The following CHRDL1 variants were observed in gnomAD, a reference collection of about 807,000 sequenced individuals.
CHRDL1 encodes the protein chordin like 1.
CHRDL1 carries 19 observed loss-of-function variants against 40.9 expected under a neutral mutation model. That is an observed-to-expected ratio of 0.46 (90% CI 0.32 to 0.68). CHRDL1 has a LOEUF of 0.68. Among genes scored for constraint, CHRDL1 ranks in the 30% least tolerant of loss-of-function variants. CHRDL1 has a pLI of 0.03. For missense variants in CHRDL1, 329 were observed against 352.1 expected, an observed-to-expected ratio of 0.93 and a Z score of 0.53; for synonymous variants, 136 against 123.4, an observed-to-expected ratio of 1.10 and a Z score of -0.68.
At chrX:110,748,096 C>T (rs769879025) in intron 4 of CHRDL1, among the ~76,000 whole-genome samples, 1 of 111,851 alleles carries the variant, frequency 8.9e-6, no homozygotes, top group Admixed American at 9.5e-5. Context: ...GCTGATCAGC[C>T]TCCTCTAAGA....
At chrX:110,775,335 C>T (rs1306960979) in intron 2 of CHRDL1, among the ~76,000 whole-genome samples, 1 of 111,292 alleles carries the variant, frequency 9.0e-6, no homozygotes, top group African/African-American at 3.3e-5. Context: ...AATAAAACCA[C>T]TAAAAAAATA....
In CHRDL1 at chrX:110,720,496, T is replaced by A. The variant is rs749525756; in HGVS notation, c.448-568A>T. 3.6e-5 allele frequency among the ~76,000 whole-genome samples: 4 copies of A among 112,155 alleles called. No individual in the cohort carries two copies. In the East Asian group the frequency reaches 1.1e-3, roughly 31 times the overall value. The stretch of plus-strand genomic sequence containing the variant: ...ATAATCCTGATTTCCTAAATTTCTA[T>A]CTTTCAAATGTTATTCCTTAAACCT... On this transcript the variant is annotated intron_variant, in intron 5 of 11. Coordinates refer to ENST00000372042, the MANE Select transcript of CHRDL1 (RefSeq NM_001143981.2).
At chrX:110,785,723 T>A (rs1310518167) in intron 2 of CHRDL1, among the ~76,000 whole-genome samples, 1 of 112,162 alleles carries the variant, frequency 8.9e-6, no homozygotes. Flanking sequence ...TTACTGTTCA[T>A]TTTTGTTTTC....
chrX:110,769,435 T>A (rs1201961007), intron 2 of CHRDL1, among the ~76,000 whole-genome samples: 1 of 112,412 alleles, frequency 8.9e-6, no homozygotes, highest in East Asian at 2.8e-4. Flanking sequence ...TTGGAATATT[T>A]TAATCATGCA....
At chrX:110,680,100 G>A (rs184972072) in intron 10 of CHRDL1, among the ~76,000 whole-genome samples, 4 of 111,888 alleles carry the variant, frequency 3.6e-5, no homozygotes, top group Admixed American at 2.8e-4. Context: ...TTAAATGGGC[G>A]AAGTAGATTA....
intron 4 of CHRDL1, among the ~76,000 whole-genome samples, chrX:110,747,409 A>AACACACACACACACAC (rs113917102): frequency 2.2e-3 from 200 of 91,223 alleles, no homozygotes; most frequent in African/African-American, 8.1e-3. Flanking sequence ...ATCAAAACAA[A>AACACACACACACACAC]ACACACACAC....
At position 110,723,818 on chromosome X, in the gene CHRDL1, A is replaced by G. The variant is rs758007518; in HGVS notation, c.302-2288T>C. 1.3e-4 allele frequency among the ~76,000 whole-genome samples: 15 copies of G among 112,704 alleles called. No individual in the cohort carries two copies. The South Asian group carries it at 4.8e-3, about 36-fold the overall frequency. On this transcript the variant is annotated intron_variant, in intron 4 of 11. Transcript: ENST00000372042. ...ACTTTGCTATATAAGTCGATCTAAC[A>G]TCAATTTCTGAGTAATTCACTCTCA...
chrX:110,718,947 T>C (rs189555277), intron 6 of CHRDL1, among the ~76,000 whole-genome samples: 1 of 111,588 alleles, frequency 9.0e-6, no homozygotes, highest in East Asian at 2.8e-4. Context: ...TTCTGAAAAA[T>C]GGCAATAAAG....
Position 110,759,674 on chromosome X carries a change from G to T in CHRDL1, c.288C>A (p.Cys96Ter). Residue 96 changes from cysteine (C) to a stop codon, truncating the protein, a stop_gained, in exon 4 of 12, where the codon TGC becomes TGA. Transcript: ENST00000372042. LOFTEE classifies it high-confidence loss of function. ...AAATTGCTTTACCTGGGCAGCGAGGGCAGCACAGATGAGGAATATGCACAG... is the reference window on the plus strand; with the variant it reads ...AAATTGCTTTACCTGGGCAGCGAGGTCAGCACAGATGAGGAATATGCACAG... Reference protein sequence around the residue: ...LSPVHIPHLCCPRCPEDSLPP... With the variant: ...LSPVHIPHLC 1 of 1,195,831 alleles carries T rather than the reference G, an allele frequency of 8.4e-7. No individual in the cohort carries two copies. Among genetic ancestry groups the T allele is most frequent in the East Asian group, 3.0e-5 (1 of 33,754 alleles).
intron 2 of CHRDL1, among the ~76,000 whole-genome samples, chrX:110,791,846 G>A (rs1469781203): frequency 8.9e-6 from 1 of 111,915 alleles, no homozygotes; most frequent in Non-Finnish European, 1.9e-5. Flanking sequence ...ATAAGCTAAT[G>A]TGTCATATGT....
intron 2 of CHRDL1, among the ~76,000 whole-genome samples, chrX:110,769,525 C>T (rs1490497396): frequency 8.9e-6 from 1 of 112,399 alleles, no homozygotes; most frequent in African/African-American, 3.2e-5. Context: ...GAAATTGGAA[C>T]AGACAACGTA....
intron 7 of CHRDL1, among the ~76,000 whole-genome samples, chrX:110,699,935 G>T (rs1166358453): frequency 2.7e-5 from 3 of 112,385 alleles, no homozygotes; most frequent in Non-Finnish European, 5.6e-5. Context: ...ATGTGCAATG[G>T]TCACCACTGT....
intron 9 of CHRDL1, among the ~76,000 whole-genome samples, chrX:110,682,834 T>A (rs981857462): frequency 8.9e-6 from 1 of 112,331 alleles, no homozygotes; most frequent in Non-Finnish European, 1.9e-5. Flanking sequence ...TATTGTGGAA[T>A]CAAGCTTTTT....
intron 4 of CHRDL1, 111 bp downstream of exon 4, chrX:110,759,550 T>C (rs1357074754): frequency 1.7e-6 from 1 of 585,898 alleles, no homozygotes; most frequent in African/African-American, 2.2e-5. Flanking sequence ...AAGGTTCCTA[T>C]TGTTATCTGT....
At chrX:110,698,475 T>G (rs1182267950) in intron 7 of CHRDL1, among the ~76,000 whole-genome samples, 1 of 112,193 alleles carries the variant, frequency 8.9e-6, no homozygotes, top group East Asian at 2.8e-4. Flanking sequence ...CCACAATATC[T>G]ATCCCTTTTA....
At chrX:110,790,117 C>T (rs1346719279) in intron 2 of CHRDL1, among the ~76,000 whole-genome samples, 3 of 111,972 alleles carry the variant, frequency 2.7e-5, no homozygotes, top group Admixed American at 9.5e-5. Context: ...ATATATAGGA[C>T]ATATGCTTTG....
At chrX:110,766,438 C>T (rs988776561) in intron 2 of CHRDL1, among the ~76,000 whole-genome samples, 2 of 111,033 alleles carry the variant, frequency 1.8e-5, no homozygotes, top group East Asian at 2.8e-4. Flanking sequence ...TAAATAAAAT[C>T]GATAGACCAT....
chrX:110,710,155 G>A (rs2070721762), intron 6 of CHRDL1, among the ~76,000 whole-genome samples: 1 of 112,091 alleles, frequency 8.9e-6, no homozygotes, highest in Admixed American at 9.4e-5. Context: ...TGTATACACT[G>A]CTCTTCCTTC....
intron 10 of CHRDL1, among the ~76,000 whole-genome samples, chrX:110,681,041 A>T (rs1303432622): frequency 8.9e-6 from 1 of 112,297 alleles, no homozygotes; most frequent in African/African-American, 3.2e-5. Context: ...GACAGACTAC[A>T]GTTTGACAGT....
Sources: allele counts gnomAD v4.1 joint callset (sites outside exome capture counted in the v4.1 genomes callset), GRCh38; gene constraint gnomAD v4.1.1; transcripts MANE v1.5; gene names NCBI Gene and HGNC (gene_info 2026-07-23, HGNC 2026-07-21).